NEK11: variants seen among roughly 807,000 people sequenced by gnomAD.
The protein encoded by NEK11 is serine/threonine-protein kinase Nek11.
Under a neutral mutation model 80.7 loss-of-function variants are expected in NEK11, and 72 were observed. The observed-to-expected ratio is 0.89, with a 90% CI of 0.74 to 1.08. NEK11 has a LOEUF of 1.08. Ranked by LOEUF, NEK11 falls within the 50% of genes least tolerant of loss-of-function variation. NEK11 has a pLI of 0.00. For synonymous variants in NEK11, 251 were observed against 260.7 expected (o/e 0.96, Z 0.36); for missense variants, 764 against 763.6 (o/e 1.00, Z -0.01).
chr3:131,177,505 C>T (rs1043973656), intron 14 of NEK11, among the ~76,000 whole-genome samples: 1 of 152,136 alleles, frequency 6.6e-6, no homozygotes, highest in Admixed American at 6.6e-5. Flanking sequence ...TGCTTATCAC[C>T]TCTTGTCTAC....
chr3:131,234,271 T>A (rs945542467), intron 15 of NEK11, among the ~76,000 whole-genome samples: 1 of 152,232 alleles, frequency 6.6e-6, no homozygotes, highest in South Asian at 2.1e-4. Context: ...TATGTCCTTT[T>A]CTTTTTTAAG....
At chr3:131,324,634 A>T (rs1285052752) in intron 17 of NEK11, among the ~76,000 whole-genome samples, 1 of 152,226 alleles carries the variant, frequency 6.6e-6, no homozygotes, top group African/African-American at 2.4e-5. Flanking sequence ...TTCAGGAAGG[A>T]CTTCATCAAG....
chr3:131,254,919 C>A (rs1423023255), intron 16 of NEK11, among the ~76,000 whole-genome samples: 4 of 151,768 alleles, frequency 2.6e-5, no homozygotes, highest in African/African-American at 4.8e-5. Flanking sequence ...TCTCAGAAGG[C>A]TGAGGCAGGA....
intron 17 of NEK11, among the ~76,000 whole-genome samples, chr3:131,313,256 A>G (rs1201510186): frequency 3.3e-5 from 5 of 152,144 alleles, no homozygotes; most frequent in Non-Finnish European, 5.9e-5. Flanking sequence ...CATGTCTGCT[A>G]TTGTAAATGG....
At chr3:131,120,279 T>G (rs966068344) in intron 5 of NEK11, among the ~76,000 whole-genome samples, 4 of 152,230 alleles carry the variant, frequency 2.6e-5, no homozygotes, top group African/African-American at 9.6e-5. Flanking sequence ...TTGAAAATTC[T>G]TTTCTTTAAG....
chr3:131,052,633 G>A (rs891675332), intron 3 of NEK11, among the ~76,000 whole-genome samples: 2 of 152,174 alleles, frequency 1.3e-5, no homozygotes, highest in Non-Finnish European at 2.9e-5. Context: ...CTCGAAGGTA[G>A]TATAAGAAAA....
intron 17 of NEK11, among the ~76,000 whole-genome samples, chr3:131,331,236 G>C (rs2097075463): frequency 6.6e-6 from 1 of 152,196 alleles, no homozygotes; most frequent in Admixed American, 6.5e-5. Context: ...AGAACTCTTA[G>C]TGTGATGGAC....
chr3:131,098,464 A>G (rs1387454033), intron 4 of NEK11, among the ~76,000 whole-genome samples: 2 of 151,732 alleles, frequency 1.3e-5, no homozygotes, highest in Admixed American at 6.6e-5. Context: ...GTAACTCATT[A>G]TGGTTTTGAT....
chr3:131,057,802 G>T (rs62282229), intron 3 of NEK11, among the ~76,000 whole-genome samples: 33,752 of 151,144 alleles, frequency 0.22, 4,092 homozygotes, highest in African/African-American at 0.34. Context: ...TTTGTCAGAT[G>T]AGTAGGTTGC....
At chr3:131,127,488 A>G (rs1421143579) in intron 5 of NEK11, among the ~76,000 whole-genome samples, 1 of 150,652 alleles carries the variant, frequency 6.6e-6, no homozygotes, top group Admixed American at 6.6e-5. Context: ...AAATATATAT[A>G]TATTTTCTAT....
At chr3:131,332,844 A>G (rs1361060627) in intron 17 of NEK11, among the ~76,000 whole-genome samples, 1 of 152,240 alleles carries the variant, frequency 6.6e-6, no homozygotes, top group Non-Finnish European at 1.5e-5. Flanking sequence ...AGCCGATGCA[A>G]TCGACTGGAA....
intron 14 of NEK11, among the ~76,000 whole-genome samples, chr3:131,195,252 AC>A: frequency 6.7e-6 from 1 of 149,744 alleles, no homozygotes; most frequent in East Asian, 2.0e-4. Flanking sequence ...GCTCTTCCCC[AC>A]CCCTCCTCCA....
intron 16 of NEK11, among the ~76,000 whole-genome samples, chr3:131,258,342 TAAAAA>T (rs531033826): frequency 0.011 from 1,643 of 152,034 alleles, 38 homozygotes; most frequent in African/African-American, 0.037. Flanking sequence ...TTTAAAAACT[TAAAAA>T]AAGAGAAGGA....
intron 17 of NEK11, among the ~76,000 whole-genome samples, chr3:131,288,438 A>ATTTCTTTC (rs144767629): frequency 0.024 from 2,463 of 102,074 alleles, 143 homozygotes; most frequent in African/African-American, 0.084. Context: ...TATGGTATGC[A>ATTTCTTTC]TTTCTTTCTT....
intron 4 of NEK11, among the ~76,000 whole-genome samples, chr3:131,103,798 A>G (rs2078755195): frequency 6.6e-6 from 1 of 152,160 alleles, no homozygotes; most frequent in South Asian, 2.1e-4. Context: ...CAACCCTCTT[A>G]GTGCTCTGAG....
chr3:131,310,019 A>C (rs1318982874), intron 17 of NEK11, among the ~76,000 whole-genome samples: 4 of 136,684 alleles, frequency 2.9e-5, no homozygotes, highest in East Asian at 4.5e-4. Context: ...AAAAAAAAAA[A>C]AAAACAACCT....
Position 131,155,126 on chromosome 3 carries a change from G to A in NEK11, c.962+5G>A, listed in dbSNP as rs755047099. The stretch of plus-strand genomic sequence containing the variant: ...TGCTCATATAATTAATGCCATGTAA[G>A]TAATTGCTTTGTTTTTAAAAAGCCC... On this transcript the variant is annotated splice_donor_5th_base_variant and intron_variant, in intron 10 of 17. Coordinates refer to ENST00000383366, the MANE Select transcript of NEK11 (RefSeq NM_024800.5). 1.3e-6 allele frequency: 2 copies of A among 1,585,100 alleles called. No individual in the cohort carries two copies. The highest frequency in any genetic ancestry group is 2.2e-5 in the South Asian group (2 of 90,332).
At chr3:131,321,873 G>C (rs1281399825) in intron 17 of NEK11, among the ~76,000 whole-genome samples, 1 of 152,110 alleles carries the variant, frequency 6.6e-6, no homozygotes, top group African/African-American at 2.4e-5. Flanking sequence ...AAAAGCTAAG[G>C]TTTATACACT....
At chr3:131,245,493 T>C (rs1354453498) in intron 16 of NEK11, among the ~76,000 whole-genome samples, 1 of 152,168 alleles carries the variant, frequency 6.6e-6, no homozygotes, top group Non-Finnish European at 1.5e-5. Context: ...CTAGATTGAA[T>C]GGTAGTTCTT....
Sources: allele counts gnomAD v4.1 joint callset (sites outside exome capture counted in the v4.1 genomes callset), GRCh38; gene constraint gnomAD v4.1.1; transcripts MANE v1.5; gene names NCBI Gene and HGNC (gene_info 2026-07-23, HGNC 2026-07-21).